Variants in RBFOX1 observed in about 807,000 individuals in gnomAD.
RBFOX1 encodes RNA binding protein fox-1 homolog 1.
Under a neutral mutation model 57.7 loss-of-function variants are expected in RBFOX1, and 8 were observed. The observed-to-expected ratio is 0.14, with a 90% CI of 0.08 to 0.25. The LOEUF is 0.25. RBFOX1 is among the 10% of genes least tolerant of loss of function. RBFOX1 has a pLI of 1.00. For synonymous variants in RBFOX1, 326 were observed against 222.4 expected (o/e 1.47, Z -4.15); for missense variants, 611 against 548.5 (o/e 1.11, Z -1.14).
At position 7,147,442 on chromosome 16, in the gene RBFOX1, T is replaced by C. The variant is rs117398326; in HGVS notation, c.27+95344T>C. On this transcript the variant is annotated intron_variant, in intron 4 of 15. Coordinates refer to ENST00000550418, the MANE Select transcript of RBFOX1 (RefSeq NM_018723.4). The stretch of plus-strand genomic sequence containing the variant: ...CCCAGGTGGTGGGCGTAGTACTTGG[T>C]AGACGGTTTTTCAACCCCGGCCTTC... 4.4e-4 allele frequency among the ~76,000 whole-genome samples: 67 copies of C among 152,202 alleles called. No individual in the cohort carries two copies. In the East Asian group the frequency reaches 0.013, roughly 29 times the overall value.
chr16:6,550,107 C>G (rs1404627957), intron 2 of RBFOX1, among the ~76,000 whole-genome samples: 1 of 152,126 alleles, frequency 6.6e-6, no homozygotes, highest in Non-Finnish European at 1.5e-5. Flanking sequence ...AAACATTTTT[C>G]TCTTCGCTCT....
At chr16:6,484,470 T>A (rs2095431421) in intron 2 of RBFOX1, among the ~76,000 whole-genome samples, 1 of 152,192 alleles carries the variant, frequency 6.6e-6, no homozygotes, top group Admixed American at 6.5e-5. Context: ...TGACATGGAA[T>A]AAGAGTTGCC....
rs371864507 is a variant in RBFOX1 at position 6,608,744 on chromosome 16, C to G, written c.-63-45859C>G. 1.4e-4 allele frequency among the ~76,000 whole-genome samples: 22 copies of G among 152,334 alleles called. 1 individual carries two copies. In the East Asian group the frequency reaches 3.5e-3, roughly 24 times the overall value. On this transcript the variant is annotated intron_variant, in intron 2 of 15. Coordinates refer to ENST00000550418, the MANE Select transcript of RBFOX1 (RefSeq NM_018723.4). ...CCATGATTGTACCACTGCATTCTAA[C>G]CTGTGCATCAGAGCAAGAGCTTGTC... is the stretch of plus-strand genomic sequence containing the variant.
At chr16:7,001,892 A>G (rs1055551169) in intron 3 of RBFOX1, among the ~76,000 whole-genome samples, 1 of 152,088 alleles carries the variant, frequency 6.6e-6, no homozygotes, top group African/African-American at 2.4e-5. Context: ...GGGAGTCCCC[A>G]TAGTAAGCGG....
chr16:6,218,756 C>T (rs1340089204), intron 1 of RBFOX1, among the ~76,000 whole-genome samples: 2 of 152,022 alleles, frequency 1.3e-5, no homozygotes, highest in African/African-American at 2.4e-5. Flanking sequence ...TCCACTGGTT[C>T]CCGGTCTCCT....
At chr16:6,387,110 T>C (rs570056900) in intron 2 of RBFOX1, among the ~76,000 whole-genome samples, 3 of 152,288 alleles carry the variant, frequency 2.0e-5, no homozygotes, top group Admixed American at 2.0e-4. Flanking sequence ...TTGGCAACCA[T>C]TCAATGAACT....
chr16:7,165,933 T>TACACACACACACACACACACACACAC (rs889669390), intron 4 of RBFOX1, among the ~76,000 whole-genome samples: 7 of 143,154 alleles, frequency 4.9e-5, no homozygotes, highest in African/African-American at 1.8e-4. Flanking sequence ...CGCATGCACA[T>TACACACACACACACACACACACACAC]ACACACACAC....
At chr16:5,681,621 G>C (rs371788456) in intron 3 of RBFOX1, among the ~76,000 whole-genome samples, 1 of 151,084 alleles carries the variant, frequency 6.6e-6, no homozygotes, top group Non-Finnish European at 1.5e-5. Flanking sequence ...TCGAACTCCC[G>C]ACCTCAGGTG....
intron 1 of RBFOX1, among the ~76,000 whole-genome samples, chr16:6,243,650 G>T (rs1230372667): frequency 1.3e-5 from 2 of 152,182 alleles, no homozygotes; most frequent in African/African-American, 4.8e-5. Context: ...ACCCGGGCCT[G>T]TCTCATCAGA....
rs138689083 is a variant in RBFOX1, at chr16:5,262,215, C to A, written c.219+22110C>A. Among the ~76,000 whole-genome samples the A allele has an allele frequency of 5.8e-3, 880 of 152,224 alleles. 12 individuals are homozygous for A. The highest frequency in any genetic ancestry group is 0.02 in the African/African-American group (823 of 41,536). ...TGCAGTAACGGGGAGAGAGTAGAAGCAAGACATGATGGTTAGTGTTATGTA... is the reference window on the plus strand; with the variant it reads ...TGCAGTAACGGGGAGAGAGTAGAAGAAAGACATGATGGTTAGTGTTATGTA... On this transcript the variant is annotated intron_variant, in intron 1 of 2. Coordinates refer to the RBFOX1 transcript ENST00000585867.
In RBFOX1 at chr16:6,789,837, CTT is replaced by C. The variant is rs1298018112; in HGVS notation, c.-16+135191_-16+135192del. On this transcript the variant is annotated intron_variant, in intron 3 of 15. Transcript: ENST00000550418. Reference sequence around the variant, plus strand: ...TTTCTGTCTTTGTGCTTTCTCCCACCTTTTTCTTCATTAAGTGGTTAGCTACT... The same window carrying C: ...TTTCTGTCTTTGTGCTTTCTCCCACCTTTCTTCATTAAGTGGTTAGCTACT... Among the ~76,000 whole-genome samples the C allele has an allele frequency of 2.0e-5, 3 of 152,054 alleles. No homozygotes were observed. The East Asian group carries it at 5.8e-4, about 29-fold the overall frequency.
At chr16:6,278,299 A>G (rs1269857442) in intron 1 of RBFOX1, among the ~76,000 whole-genome samples, 14 of 144,840 alleles carry the variant, frequency 9.7e-5, no homozygotes, top group African/African-American at 3.6e-4. Flanking sequence ...TCCTTTTAAG[A>G]ATGATTCCTT....
chr16:5,804,621 G>T (rs2055168716), intron 3 of RBFOX1, among the ~76,000 whole-genome samples: 1 of 152,050 alleles, frequency 6.6e-6, no homozygotes, highest in Non-Finnish European at 1.5e-5. Context: ...CTGCATGACT[G>T]CTCTCCACCC....
intron 1 of RBFOX1, among the ~76,000 whole-genome samples, chr16:6,114,299 C>T (rs1384393898): frequency 2.6e-5 from 4 of 152,238 alleles, no homozygotes; most frequent in East Asian, 3.9e-4. Flanking sequence ...GACCATTTTA[C>T]GGTTACAGTC....
intron 3 of RBFOX1, among the ~76,000 whole-genome samples, chr16:6,891,481 G>T (rs909385545): frequency 6.6e-6 from 1 of 151,196 alleles, no homozygotes; most frequent in East Asian, 1.9e-4. Flanking sequence ...GAGAGAGAGA[G>T]AGAGGAGAGG....
At chr16:6,976,130 A>G (rs1394475240) in intron 3 of RBFOX1, among the ~76,000 whole-genome samples, 1 of 116,226 alleles carries the variant, frequency 8.6e-6, no homozygotes. Flanking sequence ...CCGTCTCAAA[A>G]AGGAAAAAGA....
intron 3 of RBFOX1, among the ~76,000 whole-genome samples, chr16:6,830,387 A>G (rs185847363): frequency 5.9e-5 from 9 of 152,260 alleles, no homozygotes; most frequent in African/African-American, 2.2e-4. Context: ...TTATCTTTGA[A>G]TTTTACTAAC....
chr16:7,365,018 A>G (rs538634130), intron 4 of RBFOX1, among the ~76,000 whole-genome samples: 32 of 152,284 alleles, frequency 2.1e-4, no homozygotes, highest in African/African-American at 7.0e-4. Context: ...CTGTCTGTCT[A>G]TCCATCCGTC....
chr16:7,695,456 C>T lies in RBFOX1; in HGVS notation c.996-13600C>T, dbSNP rs539852883. ...ATCATGAGGGTCAGGAGTCTAAGAC[C>T]AGCCTGGCCAACATGGTGAAACCCC... On this transcript the variant is annotated intron_variant, in intron 14 of 15. Transcript: ENST00000550418. Among the ~76,000 whole-genome samples the T allele has an allele frequency of 2.6e-5, 4 of 152,052 alleles. No individual in the cohort carries two copies. The East Asian group carries it at 7.8e-4, about 30-fold the overall frequency.
Sources: allele counts gnomAD v4.1 joint callset (sites outside exome capture counted in the v4.1 genomes callset), GRCh38; gene constraint gnomAD v4.1.1; transcripts MANE v1.5; gene names NCBI Gene and HGNC (gene_info 2026-07-23, HGNC 2026-07-21).